Variants in PHLDB2 observed in about 807,000 individuals in gnomAD.
PHLDB2 encodes pleckstrin homology like domain family B member 2, also known as pleckstrin homology-like domain family B member 2.
A neutral mutation model predicts 123.6 loss-of-function variants in PHLDB2; 71 were observed. That is an observed-to-expected ratio of 0.57 (90% CI 0.47 to 0.70). The LOEUF is 0.70. PHLDB2 is among the 30% of genes least tolerant of loss of function. The pLI is 0.00. For synonymous variants in PHLDB2, 547 were observed against 541.6 expected, an observed-to-expected ratio of 1.01 and a Z score of -0.14; for missense variants, 1,446 against 1,519.5, an observed-to-expected ratio of 0.95 and a Z score of 0.80.
chr3:111,845,846 T>C (rs772560284), exon 2 of PHLDB2: 3 of 1,614,086 alleles, frequency 1.9e-6, no homozygotes, highest in Admixed American at 1.7e-5. Context: ...AGTTTATCCT[T>C]TGAGATTCAG....
chr3:111,839,940 C>CTTTTTTTTTT lies in PHLDB2; in HGVS notation c.-48-5866_-48-5857dup, dbSNP rs3082317. On this transcript the variant is annotated intron_variant, in intron 1 of 17. Transcript: ENST00000393923. ...TTTGTTTAAAAGCCCCCCACCCCCG[C>CTTTTTTTTTT]TTTTTTTTTTTTTTTTTTTTTTTTG... Among the ~76,000 whole-genome samples, 55 of 64,946 alleles carry CTTTTTTTTTT rather than the reference C, an allele frequency of 8.5e-4. 6 individuals carry two copies. Among genetic ancestry groups the CTTTTTTTTTT allele is most frequent in the Non-Finnish European group, 9.7e-4 (38 of 39,012 alleles). The allele number at this position is 64,946 out of a possible 152,430, so 42.6% of individuals were successfully genotyped here.
chr3:111,870,238 G>T (rs918027426), intron 1 of PHLDB2, among the ~76,000 whole-genome samples: 1 of 152,056 alleles, frequency 6.6e-6, no homozygotes, highest in Non-Finnish European at 1.5e-5. Flanking sequence ...TGGAAGGAGA[G>T]AGGATCTGGG....
At chr3:111,828,873 T>G (rs865849528) in intron 1 of PHLDB2, among the ~76,000 whole-genome samples, 1 of 152,202 alleles carries the variant, frequency 6.6e-6, no homozygotes, top group Middle Eastern at 3.2e-3. Context: ...AAACATCTAT[T>G]GAGTCCCTGC....
At chr3:111,946,373 C>T (rs999207653) in intron 9 of PHLDB2, among the ~76,000 whole-genome samples, 4 of 152,118 alleles carry the variant, frequency 2.6e-5, no homozygotes, top group Non-Finnish European at 5.9e-5. Context: ...AAAAGAAAAG[C>T]TTGCTTCTAC....
intron 2 of PHLDB2, among the ~76,000 whole-genome samples, chr3:111,889,871 A>C (rs967044467): frequency 2.0e-5 from 3 of 152,138 alleles, no homozygotes; most frequent in Non-Finnish European, 4.4e-5. Flanking sequence ...GGAGTTAGAA[A>C]AATACTTCAC....
chr3:111,814,489 C>T (rs528905067), intron 1 of PHLDB2, among the ~76,000 whole-genome samples: 9 of 152,140 alleles, frequency 5.9e-5, no homozygotes, highest in Admixed American at 3.9e-4. Flanking sequence ...ATAAACTCTC[C>T]TTTATATATG....
Position 111,932,304 on chromosome 3 carries a change from A to G in PHLDB2, c.2037A>G (p.Leu679=). ...AGCTTGATGCTGAAAGGGAAAAACT[A>G]GAGAGGCTTCAGGAGCTTTACTCCG... ...KVKLDAEREK[L]ERLQELYSEQ... The change falls in exon 6 of 18, where the codon CTA becomes CTG. Residue 679 remains leucine, a synonymous_variant. Transcript: ENST00000431670. 1 of 1,551,622 alleles carries G rather than the reference A, an allele frequency of 6.4e-7. No individual in the cohort carries two copies.
chr3:111,863,203 T>C (rs1282996), intron 1 of PHLDB2, among the ~76,000 whole-genome samples: 149,055 of 152,270 alleles, frequency 0.98, 73,024 homozygotes, highest in East Asian at 1. Flanking sequence ...ATGCCTGTAC[T>C]GTCCTTTCCA....
At chr3:111,899,750 ATCT>A (rs1559893165) in intron 2 of PHLDB2, among the ~76,000 whole-genome samples, 1 of 152,294 alleles carries the variant, frequency 6.6e-6, no homozygotes, top group East Asian at 1.9e-4. Context: ...CCTAGATGGC[ATCT>A]TCTTCCAATA....
At chr3:111,923,278 C>T (rs4682065) in intron 5 of PHLDB2, among the ~76,000 whole-genome samples, 131,243 of 152,154 alleles carry the variant, frequency 0.86, 56,805 homozygotes, top group Middle Eastern at 0.93. Context: ...ATCAGACTCC[C>T]GAGCAGCATT....
chr3:111,767,849 A>T (rs2060109035), intron 1 of PHLDB2, among the ~76,000 whole-genome samples: 1 of 152,214 alleles, frequency 6.6e-6, no homozygotes, highest in Non-Finnish European at 1.5e-5. Flanking sequence ...TGTGGCTACT[A>T]AATTTGTCTA....
chr3:111,870,267 G>A (rs2065275403), intron 1 of PHLDB2, among the ~76,000 whole-genome samples: 4 of 152,038 alleles, frequency 2.6e-5, no homozygotes, highest in Admixed American at 2.6e-4. Flanking sequence ...CTTAGAGGGG[G>A]GTGTTTGCAG....
chr3:111,748,229 T>G (rs941963902), intron 1 of PHLDB2, among the ~76,000 whole-genome samples: 1 of 152,142 alleles, frequency 6.6e-6, no homozygotes, highest in Non-Finnish European at 1.5e-5. Flanking sequence ...CTAGCTATGA[T>G]TTCACCAGCC....
intron 1 of PHLDB2, among the ~76,000 whole-genome samples, chr3:111,831,046 A>AAGG (rs2063007615): frequency 1.4e-5 from 2 of 142,714 alleles, no homozygotes; most frequent in African/African-American, 2.6e-5. Flanking sequence ...AGGAAGGAAG[A>AAGG]AAGAGAAAAG....
chr3:111,786,870 T>G (rs1244773457), intron 1 of PHLDB2, among the ~76,000 whole-genome samples: 1 of 152,158 alleles, frequency 6.6e-6, no homozygotes, highest in Admixed American at 6.5e-5. Flanking sequence ...AAATAGAAAC[T>G]CCTATGCCTA....
intron 1 of PHLDB2, among the ~76,000 whole-genome samples, chr3:111,758,363 G>A (rs113683977): frequency 0.05 from 7,645 of 152,270 alleles, 645 homozygotes; most frequent in African/African-American, 0.17. Context: ...TCAGACTGCT[G>A]TGCTAGCAAT....
At chr3:111,813,664 A>C (rs188715800) in intron 1 of PHLDB2, among the ~76,000 whole-genome samples, 127 of 152,374 alleles carry the variant, frequency 8.3e-4, no homozygotes, top group Non-Finnish European at 1.5e-3. Flanking sequence ...GCTAATAATT[A>C]TAAACCAATT....
chr3:111,958,858 A>G (rs1278498358), intron 12 of PHLDB2: 1 of 405,390 alleles, frequency 2.5e-6, no homozygotes, highest in African/African-American at 2.1e-5. Flanking sequence ...CCCCCTCAAA[A>G]AGTAGATGCA....
intron 15 of PHLDB2, among the ~76,000 whole-genome samples, chr3:111,969,030 C>T (rs1201584815): frequency 6.6e-6 from 1 of 152,148 alleles, no homozygotes; most frequent in East Asian, 1.9e-4. Context: ...GGCTTTCATA[C>T]CAGCCATCAG....
Sources: gnomAD v4.1 joint callset for allele counts (sites outside exome capture counted in the v4.1 genomes callset) on GRCh38, gnomAD v4.1.1 for gene constraint, MANE v1.5 for transcripts, NCBI Gene and HGNC (gene_info 2026-07-23, HGNC 2026-07-21) for gene names.